RELL1: variants seen among roughly 807,000 people sequenced by gnomAD.
The protein encoded by RELL1 is RELT-like protein 1.
Under a neutral mutation model 23.0 loss-of-function variants are expected in RELL1, and 10 were observed. The observed-to-expected ratio is 0.43, with a 90% confidence interval of 0.27 to 0.74. RELL1 has a LOEUF of 0.74. Ranked by LOEUF, RELL1 falls within the 30% of genes least tolerant of loss-of-function variation. The pLI is 0.19. For missense variants in RELL1, 315 were observed against 364.4 expected (o/e 0.86, Z 1.10); for synonymous variants, 146 against 146.8 (o/e 0.99, Z 0.04).
At chr4:37,686,104 G>A in intron 1 of RELL1, 96 bp downstream of exon 1, 1 of 1,055,182 alleles carries the variant, frequency 9.5e-7, no homozygotes, top group Non-Finnish European at 1.4e-6. Flanking sequence ...CCAGAAAGCA[G>A]GACGCCGCGG....
intron 1 of RELL1, among the ~76,000 whole-genome samples, chr4:37,653,046 A>C (rs1721005725): frequency 6.6e-6 from 1 of 152,208 alleles, no homozygotes; most frequent in Non-Finnish European, 1.5e-5. Flanking sequence ...CTGGGAAATA[A>C]AAATCTAATC....
In RELL1 at chr4:37,666,915, G is replaced by A. The variant is rs189370764; in HGVS notation, c.89-17415C>T. On this transcript the variant is annotated intron_variant, in intron 1 of 6. Coordinates refer to ENST00000454158, the MANE Select transcript of RELL1 (RefSeq NM_001085400.2). The stretch of plus-strand genomic sequence containing the variant: ...TCCTGCAAGACAGGCACGTGGGCTG[G>A]CTTCTGAGAACATAGGAACTGGAAA... Among the ~76,000 whole-genome samples the A allele has an allele frequency of 1.3e-3, 196 of 152,328 alleles. 4 individuals are homozygous for A. The South Asian group carries it at 0.033, about 25-fold the overall frequency.
intron 6 of RELL1, among the ~76,000 whole-genome samples, chr4:37,630,516 C>A (rs1720093422): frequency 6.6e-6 from 1 of 151,866 alleles, no homozygotes; most frequent in Admixed American, 6.6e-5. Context: ...AGGTGCCCAC[C>A]ACTACGCCCG....
In RELL1 at chr4:37,669,220, G is replaced by A. The variant is rs1472477857; in HGVS notation, c.88+16980C>T. On this transcript the variant is annotated intron_variant, in intron 1 of 6. Coordinates refer to ENST00000454158, the MANE Select transcript of RELL1 (RefSeq NM_001085400.2). ...AGCCCCCTGCCTGGCCAGCCGCCCC[G>A]TCCGGGAGGGAGGTGGGGGTCAGCC... Among the ~76,000 whole-genome samples the A allele has an allele frequency of 6.0e-4, 76 of 126,352 alleles. 2 individuals carry two copies. The highest frequency in any genetic ancestry group is 4.8e-4 in the South Asian group (2 of 4,184). 82.9% of individuals were successfully genotyped at this position (126,352 alleles called of 152,430 possible).
chr4:37,613,405 T>G (rs1719474564), intron 6 of RELL1, 63 bp from the exon 7 acceptor site: 2 of 152,190 alleles, frequency 1.3e-5, no homozygotes, highest in South Asian at 4.1e-4. Flanking sequence ...CACATATTAA[T>G]CTGCCTGAAT....
chr4:37,588,793 C>G (rs1718442388), downstream of RELL1: 1 of 1,296,900 alleles, frequency 7.7e-7, no homozygotes, highest in African/African-American at 1.5e-5. Flanking sequence ...AAACTTAATT[C>G]CTACTAATAT....
At chr4:37,662,859 A>G (rs747867590) in intron 1 of RELL1, among the ~76,000 whole-genome samples, 2 of 151,578 alleles carry the variant, frequency 1.3e-5, no homozygotes, top group Non-Finnish European at 2.9e-5. Context: ...GAGGCCAAGG[A>G]CCTCAACTTC....
chr4:37,597,598 A>G (rs556889207), intron 6 of RELL1, among the ~76,000 whole-genome samples: 9 of 152,198 alleles, frequency 5.9e-5, no homozygotes, highest in African/African-American at 1.9e-4. Flanking sequence ...TCATCAGCCG[A>G]CGTGCTGCTC....
intron 2 of RELL1, 88 bp downstream of exon 2, chr4:37,649,188 G>T (rs768827351): frequency 1.2e-5 from 13 of 1,067,074 alleles, no homozygotes; most frequent in Admixed American, 1.9e-5. Flanking sequence ...GGATCATTCT[G>T]CCTCAGAGAG....
Position 37,656,348 on chromosome 4 carries a change from G to A in RELL1, c.89-6848C>T, listed in dbSNP as rs188114352. Reference sequence around the variant, plus strand: ...GTAGAATGGTGTTTGCCAGGGGCTGGGAGGGCAGGGGAATAGGGATAGTTG... The same window carrying A: ...GTAGAATGGTGTTTGCCAGGGGCTGAGAGGGCAGGGGAATAGGGATAGTTG... On this transcript the variant is annotated intron_variant, in intron 1 of 6. Transcript: ENST00000454158. Among the ~76,000 whole-genome samples the A allele has an allele frequency of 4.0e-4, 61 of 152,246 alleles. No individual in the cohort carries two copies. The East Asian group carries it at 7.3e-3, about 18-fold the overall frequency.
intron 6 of RELL1, among the ~76,000 whole-genome samples, chr4:37,616,905 C>T (rs1719594403): frequency 6.6e-6 from 1 of 152,180 alleles, no homozygotes; most frequent in Non-Finnish European, 1.5e-5. Context: ...AATGGTACTG[C>T]CTGCGTAGAT....
At chr4:37,591,067 G>T in exon 7 of RELL1, 1 of 1,332,002 alleles carries the variant, frequency 7.5e-7, no homozygotes. Flanking sequence ...TTGCTCCCTG[G>T]ATGCATAGCA....
At chr4:37,667,529 T>C (rs186167651) in intron 1 of RELL1, among the ~76,000 whole-genome samples, 33 of 148,122 alleles carry the variant, frequency 2.2e-4, no homozygotes, top group African/African-American at 7.2e-4. Context: ...TAAAAGTCCA[T>C]GGAATGGGAT....
rs28583139 is a variant in RELL1 at position 37,622,383 on chromosome 4, C to T, written c.*3+9002G>A. Among the ~76,000 whole-genome samples, 595 of 152,262 alleles carry T rather than the reference C, an allele frequency of 3.9e-3. 2 individuals carry two copies. The highest frequency in any genetic ancestry group is 0.013 in the African/African-American group (553 of 41,548). ...GAGAAAAGGTTTAAGAGGTGATACA[C>T]GCAAAGGGATTAGCAGGATAAAAAT... On this transcript the variant is annotated intron_variant, in intron 6 of 6. Coordinates refer to ENST00000454158, the MANE Select transcript of RELL1 (RefSeq NM_001085400.2).
At chr4:37,607,239 T>C (rs1719251118), downstream of RELL1, among the ~76,000 whole-genome samples, 1 of 152,206 alleles carries the variant, frequency 6.6e-6, no homozygotes, top group Non-Finnish European at 1.5e-5. Context: ...AGACAATGGA[T>C]GCAATCCAAA....
chr4:37,676,747 G>A (rs1301899470), intron 1 of RELL1, among the ~76,000 whole-genome samples: 2 of 152,068 alleles, frequency 1.3e-5, no homozygotes, highest in Non-Finnish European at 2.9e-5. Context: ...AAGATTTGTG[G>A]GTGAATATTG....
At chr4:37,653,586 G>A (rs1721025945) in intron 1 of RELL1, among the ~76,000 whole-genome samples, 1 of 151,586 alleles carries the variant, frequency 6.6e-6, no homozygotes, top group Admixed American at 6.6e-5. Context: ...AATTGACTGA[G>A]ACCCGTCTCA....
chr4:37,630,874 T>A (rs1720106085), intron 6 of RELL1, among the ~76,000 whole-genome samples: 1 of 152,026 alleles, frequency 6.6e-6, no homozygotes, highest in African/African-American at 2.4e-5. Flanking sequence ...TGCTCCAGAC[T>A]TTTTCAAGTC....
chr4:37,638,339 T>C (rs1720405973), intron 4 of RELL1, 108 bp downstream of exon 4: 3 of 818,200 alleles, frequency 3.7e-6, no homozygotes, highest in South Asian at 3.2e-5. Context: ...ATAACTATAG[T>C]GTTAAAGCTG....
Sources: allele counts gnomAD v4.1 joint callset (sites outside exome capture counted in the v4.1 genomes callset), GRCh38; gene constraint gnomAD v4.1.1; transcripts MANE v1.5; gene names NCBI Gene and HGNC (gene_info 2026-07-23, HGNC 2026-07-21).